WDR86: variants seen among roughly 807,000 people sequenced by gnomAD.
The protein encoded by WDR86 is WD repeat domain 86, also known as WD repeat-containing protein 86.
In WDR86, 30 loss-of-function variants were observed where a neutral mutation model predicts 36.5. The ratio of observed to expected loss-of-function variants is 0.82; its 90% CI spans 0.61 to 1.11. The LOEUF (loss-of-function observed/expected upper bound fraction) is 1.11. Among genes scored for constraint, WDR86 ranks in the 50% most tolerant of loss-of-function variants. The probability of loss-of-function intolerance (pLI) is 0.00; values close to 1 mark genes in which losing one functional copy is unlikely to be tolerated. For synonymous variants in WDR86, 255 were observed against 252.9 expected (o/e 1.01, Z -0.08); for missense variants, 545 against 561.2 (o/e 0.97, Z 0.29).
chr7:151,387,038 C>T (rs184887588), intron 3 of WDR86, among the ~76,000 whole-genome samples: 248 of 152,348 alleles, frequency 1.6e-3, no homozygotes, highest in Non-Finnish European at 2.9e-3. Context: ...ACCAGCGCAG[C>T]GTTTCCTGGC....
rs183291198 is a variant in WDR86 at position 151,385,119 on chromosome 7, G to C, written c.831C>G (p.Asn277Lys). Residue 277 changes from asparagine (N) to lysine (K), a missense_variant, in exon 4 of 6, where the codon AAC becomes AAG. Coordinates refer to ENST00000334493, the MANE Select transcript of WDR86 (RefSeq NM_198285.3). The stretch of plus-strand genomic sequence containing the variant: ...CCGCGTGGTACTTGAGGGCGCTCAC[G>C]TTGCGTCTGTGGGCCGTGAACGTGC... ...CVRTFTAHRR[N>K]VSALKYHAGT... 2 of 1,611,404 alleles carry C rather than the reference G, an allele frequency of 1.2e-6. No individual in the cohort carries two copies. The highest frequency in any genetic ancestry group is 1.3e-5 in the African/African-American group (1 of 74,912).
intron 3 of WDR86, among the ~76,000 whole-genome samples, chr7:151,389,938 G>C (rs1799292963): frequency 6.6e-6 from 1 of 152,228 alleles, no homozygotes; most frequent in Non-Finnish European, 1.5e-5. Context: ...ACACAGTCCT[G>C]TGTGTGGGTG....
intron 3 of WDR86, among the ~76,000 whole-genome samples, chr7:151,394,116 C>T (rs921604309): frequency 1.3e-5 from 2 of 152,178 alleles, no homozygotes; most frequent in African/African-American, 4.8e-5. Context: ...TGCTGTGCCC[C>T]TTCCCCACGA....
intron 1 of WDR86, among the ~76,000 whole-genome samples, chr7:151,407,368 T>C (rs1239318025): frequency 2.0e-5 from 3 of 152,212 alleles, no homozygotes; most frequent in African/African-American, 7.2e-5. Context: ...GCTCCAGAGC[T>C]GCCGTGGGGG....
chr7:151,381,684 G>T lies in WDR86; in HGVS notation c.1029C>A (p.Arg343=). The change falls in exon 6 of 6, where the codon CGC becomes CGA. Residue 343 remains arginine, a synonymous_variant. Coordinates refer to ENST00000334493, the MANE Select transcript of WDR86 (RefSeq NM_198285.3). The surrounding 1 kb of genome is among the most constrained non-coding windows in gnomAD (Gnocchi z 4.8). ...HDGALRLWDV[R]GLRGAPRPPP... ...GGGGCCGCGGGGCACCTCGGAGCCCGCGCACGTCCCAGAGGCGCAGGGCGC... is the reference window on the plus strand; with the variant it reads ...GGGGCCGCGGGGCACCTCGGAGCCCTCGCACGTCCCAGAGGCGCAGGGCGC... 2 of 1,433,800 alleles carry T rather than the reference G, an allele frequency of 1.4e-6. No individual in the cohort carries two copies. The highest frequency in any genetic ancestry group is 3.0e-5 in the South Asian group (2 of 67,696). 88.8% of individuals were successfully genotyped at this position (1,433,800 alleles called of 1,614,324 possible).
chr7:151,409,659 G>C lies in WDR86; in HGVS notation c.-70C>G. The C allele has an allele frequency of 7.6e-7, 1 of 1,316,742 alleles. No homozygotes were observed. The highest frequency in any genetic ancestry group is 9.6e-7 in the Non-Finnish European group (1 of 1,037,124). The allele number at this position is 1,316,742 out of a possible 1,614,324, so 81.6% of individuals were successfully genotyped here. A position where few individuals can be genotyped will look rare whatever the true frequency, so the allele number is the denominator to read the frequency against. On this transcript the variant is annotated 5_prime_UTR_variant, in exon 1 of 6. Coordinates refer to ENST00000334493, the MANE Select transcript of WDR86 (RefSeq NM_198285.3). The surrounding 1 kb of genome is among the most constrained non-coding windows in gnomAD (Gnocchi z 5.2). ...GGAGGGGCGCCCCGGGGTCCGCGCG[G>C]CGGCTCCGTACGACTGCGGCCCGCG...
At position 151,392,539 on chromosome 7, in the gene WDR86, G is replaced by A. The variant is rs148986120; in HGVS notation, c.726+3237C>T. On this transcript the variant is annotated intron_variant, in intron 3 of 5. Transcript: ENST00000334493. ...GTGGGCCTTGCCCATGCCTCCTGCA[G>A]CTTCGGAGCCCCTGCGGAGCGCCGC... 3.6e-3 allele frequency among the ~76,000 whole-genome samples: 543 copies of A among 152,292 alleles called. 7 individuals are homozygous for A. Among genetic ancestry groups the A allele is most frequent in the African/African-American group, 0.013 (530 of 41,570 alleles).
rs76290179 is a variant in WDR86 at position 151,397,751 on chromosome 7, T to C, written c.306-1555A>G. On this transcript the variant is annotated intron_variant, in intron 2 of 5. Coordinates refer to ENST00000334493, the MANE Select transcript of WDR86 (RefSeq NM_198285.3). Reference sequence around the variant, plus strand: ...AGAGGGTGTAGCGGGAGGAAGAGGGTGTAGCGGGAGGAAGAGGGCGTAGCA... The same window carrying C: ...AGAGGGTGTAGCGGGAGGAAGAGGGCGTAGCGGGAGGAAGAGGGCGTAGCA... 3.6e-3 allele frequency among the ~76,000 whole-genome samples: 264 copies of C among 73,146 alleles called. 6 individuals are homozygous for C. The highest frequency in any genetic ancestry group is 0.011 in the African/African-American group (196 of 18,502). 48.0% of individuals were successfully genotyped at this position (73,146 alleles called of 152,430 possible).
chr7:151,403,698 G>A (rs1800504662), intron 1 of WDR86, among the ~76,000 whole-genome samples: 1 of 152,238 alleles, frequency 6.6e-6, no homozygotes, highest in Non-Finnish European at 1.5e-5. Context: ...CTTAAACATT[G>A]AGGGCAATGT....
At position 151,409,556 on chromosome 7, in the gene WDR86, C is replaced by A; in HGVS notation, c.34G>T (p.Ala12Ser). 6.7e-7 allele frequency: 1 copy of A among 1,500,056 alleles called. No homozygotes were observed. Among genetic ancestry groups the A allele is most frequent in the Admixed American group, 2.1e-5 (1 of 48,070 alleles). 92.9% of individuals were successfully genotyped at this position (1,500,056 alleles called of 1,614,324 possible). The change falls in exon 1 of 6, where the codon GCC becomes TCC. Residue 12 changes from alanine (A) to serine (S), a missense_variant. By Grantham distance (99) the Ala-to-Ser change is moderately conservative (BLOSUM62 1). Coordinates refer to ENST00000334493, the MANE Select transcript of WDR86 (RefSeq NM_198285.3). The surrounding 1 kb of genome is among the most constrained non-coding windows in gnomAD (Gnocchi z 5.2). ...CAGTTGATGCCCCCGCGGTGGTCGG[C>A]GCAGACCCTCAGGGCCGACCCGCCG... is the stretch of plus-strand genomic sequence containing the variant. ...GGGGSALRVC[A>S]DHRGGINWLS...
At chr7:151,379,226 T>C (rs1217849918), downstream of WDR86, among the ~76,000 whole-genome samples, 2 of 151,908 alleles carry the variant, frequency 1.3e-5, no homozygotes, top group Non-Finnish European at 2.9e-5. Flanking sequence ...TGGGGGCGGA[T>C]GGTATGATTG....
chr7:151,402,041 CTG>C (rs1800340825), intron 1 of WDR86, among the ~76,000 whole-genome samples: 1 of 52,926 alleles, frequency 1.9e-5, no homozygotes, highest in Admixed American at 2.3e-4. Flanking sequence ...GAGCAAAACT[CTG>C]CCTCAAAAAA....
In WDR86 at chr7:151,405,174, C is replaced by G. The variant is rs931660580; in HGVS notation, c.163+4253G>C. Among the ~76,000 whole-genome samples, 5 of 152,116 alleles carry G rather than the reference C, an allele frequency of 3.3e-5. No individual in the cohort carries two copies. The highest frequency in any genetic ancestry group is 6.5e-5 in the Admixed American group (1 of 15,282). ...CTGCATGGACTTCACAGTGGGCTCA[C>G]TCTTATCTAAGACTCCCATTGGGTT... On this transcript the variant is annotated intron_variant, in intron 1 of 5. Transcript: ENST00000334493. This position sits in a 1 kb window ranked among gnomAD's most constrained non-coding sequence, Gnocchi z 4.7.
chr7:151,405,555 G>A lies in WDR86; in HGVS notation c.163+3872C>T, dbSNP rs562783547. ...ATCTGGGCCCAGAAGCACCAACAGCGTGGCTGGAATGGACACTGACGTGGC... is the reference window on the plus strand; with the variant it reads ...ATCTGGGCCCAGAAGCACCAACAGCATGGCTGGAATGGACACTGACGTGGC... On this transcript the variant is annotated intron_variant, in intron 1 of 5. Transcript: ENST00000334493. The surrounding 1 kb of genome is among the most constrained non-coding windows in gnomAD (Gnocchi z 4.7). 1.1e-4 allele frequency among the ~76,000 whole-genome samples: 16 copies of A among 152,210 alleles called. No individual in the cohort carries two copies. Among genetic ancestry groups the A allele is most frequent in the African/African-American group, 3.6e-4 (15 of 41,452 alleles).
chr7:151,377,025 C>T, downstream of WDR86: 1 of 1,518,780 alleles, frequency 6.6e-7, no homozygotes, highest in Non-Finnish European at 8.8e-7. Context: ...AATTCACTTA[C>T]TCCTGCGGTA....
chr7:151,370,758 T>C, the WDR86 span, among the ~76,000 whole-genome samples: 1 of 147,534 alleles, frequency 6.8e-6, no homozygotes, highest in African/African-American at 2.5e-5. Flanking sequence ...GTGTTCTCAT[T>C]GTTCAATTCC....
intron 3 of WDR86, 125 bp downstream of exon 3, chr7:151,395,651 C>T (rs971666076): frequency 9.7e-6 from 12 of 1,234,130 alleles, no homozygotes; most frequent in African/African-American, 1.5e-5. Flanking sequence ...CTCCGTGGCG[C>T]TTGCCAGGCC....
intron 2 of WDR86, among the ~76,000 whole-genome samples, chr7:151,397,184 G>C (rs1399671258): frequency 2.0e-5 from 3 of 152,198 alleles, no homozygotes; most frequent in Admixed American, 2.0e-4. Flanking sequence ...TCCTGAATCA[G>C]GACCACGGCC....
At chr7:151,402,070 A>AAAAAAAAAAATATATATATAT in intron 1 of WDR86, among the ~76,000 whole-genome samples, 7 of 50,522 alleles carry the variant, frequency 1.4e-4, no homozygotes, top group African/African-American at 3.5e-4. Context: ...AAAAAAAAAA[A>AAAAAAAAAAATATATATATAT]ATATATATAT....
Sources: allele counts gnomAD v4.1 joint callset (sites outside exome capture counted in the v4.1 genomes callset), GRCh38; gene constraint gnomAD v4.1.1; non-coding constraint Gnocchi (gnomAD v3.1); transcripts MANE v1.5; gene names NCBI Gene and HGNC (gene_info 2026-07-23, HGNC 2026-07-21).